The following GPC5 variants were observed in gnomAD, a reference collection of about 807,000 sequenced individuals.
The protein encoded by GPC5 is glypican-5.
GPC5 carries 47 observed loss-of-function variants against 53.9 expected under a neutral mutation model. That is an observed-to-expected ratio of 0.87 (90% CI 0.69 to 1.11). The LOEUF is 1.11. Ranked by LOEUF, GPC5 falls within the 50% of genes most tolerant of loss-of-function variation. The probability of loss-of-function intolerance (pLI) is 0.00; values close to 1 mark genes in which losing one functional copy is unlikely to be tolerated. For synonymous variants in GPC5, 286 were observed against 263.3 expected (o/e 1.09, Z -0.84); for missense variants, 748 against 713.1 (o/e 1.05, Z -0.56).
chr13:92,338,261 G>C (rs188471641), intron 7 of GPC5, among the ~76,000 whole-genome samples: 1 of 152,084 alleles, frequency 6.6e-6, no homozygotes, highest in African/African-American at 2.4e-5. Context: ...ATACGTATTA[G>C]AATGGTCGAA....
At chr13:92,072,306 G>T (rs1167318205) in intron 6 of GPC5, among the ~76,000 whole-genome samples, 1 of 151,074 alleles carries the variant, frequency 6.6e-6, no homozygotes, top group Non-Finnish European at 1.5e-5. Flanking sequence ...TCCCTCTGTT[G>T]CCCAGGCTGG....
At chr13:91,851,697 G>A (rs1288493025) in intron 5 of GPC5, among the ~76,000 whole-genome samples, 1 of 122,374 alleles carries the variant, frequency 8.2e-6, no homozygotes, top group Non-Finnish European at 1.6e-5. Flanking sequence ...TCCCCTTCCT[G>A]TGTCCATGTG....
chr13:92,466,081 T>C (rs925189642), intron 7 of GPC5, among the ~76,000 whole-genome samples: 2 of 152,050 alleles, frequency 1.3e-5, no homozygotes, highest in African/African-American at 4.8e-5. Context: ...ATGATACAAA[T>C]GTGAGGTGAC....
intron 7 of GPC5, among the ~76,000 whole-genome samples, chr13:92,515,208 T>G (rs1880724909): frequency 1.3e-5 from 2 of 152,196 alleles, no homozygotes; most frequent in Admixed American, 1.3e-4. Context: ...CAGGCACCAC[T>G]AAGCTTAGTA....
intron 2 of GPC5, among the ~76,000 whole-genome samples, chr13:91,668,787 A>C (rs1413742297): frequency 3.9e-5 from 6 of 152,174 alleles, no homozygotes; most frequent in Non-Finnish European, 8.8e-5. Flanking sequence ...CACCCTGAGA[A>C]TCCTAATATA....
At chr13:91,955,970 G>A (rs2040069136) in intron 6 of GPC5, among the ~76,000 whole-genome samples, 1 of 152,186 alleles carries the variant, frequency 6.6e-6, no homozygotes, top group Non-Finnish European at 1.5e-5. Context: ...ACCTATGGCT[G>A]AAGTACACAC....
chr13:91,806,334 C>T (rs2038221189), intron 5 of GPC5, among the ~76,000 whole-genome samples: 1 of 151,776 alleles, frequency 6.6e-6, no homozygotes, highest in East Asian at 1.9e-4. Flanking sequence ...CGCACCTGGC[C>T]AAATGCAATG....
chr13:92,001,432 T>A (rs1313024503), intron 6 of GPC5, among the ~76,000 whole-genome samples: 1 of 152,186 alleles, frequency 6.6e-6, no homozygotes, highest in Non-Finnish European at 1.5e-5. Flanking sequence ...AAGATTCCAT[T>A]ATAAATTGAG....
intron 7 of GPC5, among the ~76,000 whole-genome samples, chr13:92,801,808 A>C (rs1463473489): frequency 6.6e-6 from 1 of 151,756 alleles, no homozygotes; most frequent in East Asian, 1.9e-4. Context: ...TAATAGAAAA[A>C]ATTTCATTGA....
chr13:91,733,933 T>A (rs543039218), intron 4 of GPC5, among the ~76,000 whole-genome samples: 34 of 152,350 alleles, frequency 2.2e-4, no homozygotes, highest in African/African-American at 7.9e-4. Context: ...CTTCCAGCTT[T>A]TGCTCATTCA....
At chr13:91,723,964 T>G (rs1039428489) in intron 3 of GPC5, among the ~76,000 whole-genome samples, 4 of 152,248 alleles carry the variant, frequency 2.6e-5, no homozygotes, top group African/African-American at 9.6e-5. Context: ...ACTTTCTCTC[T>G]GTGTTGAAGA....
intron 7 of GPC5, among the ~76,000 whole-genome samples, chr13:92,841,372 T>C (rs1878425000): frequency 6.6e-6 from 1 of 152,148 alleles, no homozygotes; most frequent in African/African-American, 2.4e-5. Context: ...TTTTTAAATC[T>C]TTATTATGGA....
chr13:92,697,587 A>AT (rs1193038023), intron 7 of GPC5, among the ~76,000 whole-genome samples: 1 of 152,092 alleles, frequency 6.6e-6, no homozygotes, highest in Admixed American at 6.6e-5. Context: ...GCTTAAGGAG[A>AT]TTTTGGGCTG....
intron 7 of GPC5, among the ~76,000 whole-genome samples, chr13:92,454,728 C>T (rs566054867): frequency 3.3e-5 from 5 of 152,134 alleles, no homozygotes; most frequent in African/African-American, 7.2e-5. Flanking sequence ...TTGTCCTCAC[C>T]GATGATGAAA....
At chr13:92,208,278 T>A (rs2042351727) in intron 7 of GPC5, among the ~76,000 whole-genome samples, 1 of 152,218 alleles carries the variant, frequency 6.6e-6, no homozygotes, top group Admixed American at 6.5e-5. Context: ...GTGATTTCCA[T>A]GGGGTCCCGC....
At chr13:91,756,455 C>A in intron 5 of GPC5, 35 bp downstream of exon 5, 2 of 1,520,248 alleles carry the variant, frequency 1.3e-6, no homozygotes, top group African/African-American at 2.7e-5. Flanking sequence ...CTACTAGTTA[C>A]ATCATCCTTG....
In GPC5 at chr13:92,173,746, T is replaced by C. The variant is rs1006018525; in HGVS notation, c.1561+28757T>C. ...CACTCATCTCCCCTTACTAAGACCC[T>C]TGATGTAATCAATATACTTTTATTA... is the stretch of plus-strand genomic sequence containing the variant. On this transcript the variant is annotated intron_variant, in intron 7 of 7. Coordinates refer to ENST00000377067, the MANE Select transcript of GPC5 (RefSeq NM_004466.6). Among the ~76,000 whole-genome samples, 3 of 152,328 alleles carry C rather than the reference T, an allele frequency of 2.0e-5. No individual in the cohort carries two copies. In the East Asian group the frequency reaches 5.8e-4, roughly 29 times the overall value.
chr13:92,288,736 C>T (rs568739671), intron 7 of GPC5, among the ~76,000 whole-genome samples: 1 of 152,140 alleles, frequency 6.6e-6, no homozygotes, highest in South Asian at 2.1e-4. Context: ...TCTGCCAAAA[C>T]ACTTTTGTTA....
intron 7 of GPC5, among the ~76,000 whole-genome samples, chr13:92,354,622 A>G (rs1384324961): frequency 1.3e-5 from 2 of 152,188 alleles, no homozygotes; most frequent in African/African-American, 4.8e-5. Flanking sequence ...AACATATAAA[A>G]CTAGATACTG....
Sources: gnomAD v4.1 joint callset for allele counts (sites outside exome capture counted in the v4.1 genomes callset) on GRCh38, gnomAD v4.1.1 for gene constraint, MANE v1.5 for transcripts, NCBI Gene and HGNC (gene_info 2026-07-23, HGNC 2026-07-21) for gene names.